Variants in EPB41L3 observed in about 807,000 individuals in gnomAD.
EPB41L3 encodes band 4.1-like protein 3.
EPB41L3 carries 57 observed loss-of-function variants against 127.1 expected under a neutral mutation model. The observed-to-expected ratio is 0.45, with a 90% CI of 0.36 to 0.56. EPB41L3 has a LOEUF of 0.56. Ranked by LOEUF, EPB41L3 falls within the 20% of genes least tolerant of loss-of-function variation. EPB41L3 has a pLI of 0.00. For missense variants in EPB41L3, 1,273 were observed against 1,372.2 expected (o/e 0.93, Z 1.14); for synonymous variants, 572 against 549.5 (o/e 1.04, Z -0.57).
chr18:5,484,122 C>CA (rs2089255322), intron 2 of EPB41L3, among the ~76,000 whole-genome samples: 4 of 75,160 alleles, frequency 5.3e-5, no homozygotes, highest in African/African-American at 5.6e-5. Context: ...AAAAAAAAAA[C>CA]AGAAAAAAAA....
intron 1 of EPB41L3, among the ~76,000 whole-genome samples, chr18:5,507,401 C>T (rs1248299276): frequency 6.6e-6 from 1 of 152,092 alleles, no homozygotes. Context: ...TTAAGATATT[C>T]AGACATTAAT....
At chr18:5,502,122 A>G (rs914131045) in intron 1 of EPB41L3, among the ~76,000 whole-genome samples, 1 of 152,188 alleles carries the variant, frequency 6.6e-6, no homozygotes, top group Non-Finnish European at 1.5e-5. Flanking sequence ...CTGCCTTCTG[A>G]TATTCTGACT....
At chr18:5,540,305 T>C (rs1812676536) in intron 1 of EPB41L3, 2 of 970,046 alleles carry the variant, frequency 2.1e-6, no homozygotes, top group Non-Finnish European at 2.5e-6. Context: ...TGCAGTCTTA[T>C]ATTCATTTAC....
chr18:5,395,334 A>C (rs538615463), intron 20 of EPB41L3, among the ~76,000 whole-genome samples, 187 bp from the exon 21 acceptor site: 1 of 152,340 alleles, frequency 6.6e-6, no homozygotes, highest in Admixed American at 6.5e-5. Context: ...TTGGGTCTGG[A>C]TGGCCCATGT....
chr18:5,624,878 G>A (rs1303643807), intron 1 of EPB41L3, among the ~76,000 whole-genome samples: 1 of 152,192 alleles, frequency 6.6e-6, no homozygotes, highest in African/African-American at 2.4e-5. Flanking sequence ...GAGAGAGAGA[G>A]ATCTCTTCTG....
At chr18:5,573,118 C>A (rs1439285427) in intron 3 of EPB41L3, among the ~76,000 whole-genome samples, 1 of 152,178 alleles carries the variant, frequency 6.6e-6, no homozygotes, top group African/African-American at 2.4e-5. Context: ...GAACTTCTTG[C>A]ATTAAATGCA....
chr18:5,505,837 T>C (rs1254265461), intron 1 of EPB41L3, among the ~76,000 whole-genome samples: 22 of 30,262 alleles, frequency 7.3e-4, no homozygotes, highest in Admixed American at 1.8e-3. Context: ...CTCCACCCCT[T>C]CCCTCCACAC....
chr18:5,420,870 T>A (rs1350723069), intron 11 of EPB41L3, among the ~76,000 whole-genome samples: 5 of 152,238 alleles, frequency 3.3e-5, no homozygotes, highest in Non-Finnish European at 7.3e-5. Flanking sequence ...GATTCTGAAA[T>A]GAAATCCTCT....
rs543692349 is a variant in EPB41L3, at chr18:5,424,008, C to T, written c.1163+254G>A. Reference sequence around the variant, plus strand: ...TGGATTGGATATTTGAAGTGGACACCCTAAAAATAATGTAAACACACTAAA... The same window carrying T: ...TGGATTGGATATTTGAAGTGGACACTCTAAAAATAATGTAAACACACTAAA... On this transcript the variant is annotated intron_variant, in intron 10 of 22. Coordinates refer to ENST00000341928, the MANE Select transcript of EPB41L3 (RefSeq NM_012307.5). Among the ~76,000 whole-genome samples the T allele has an allele frequency of 8.6e-5, 13 of 151,944 alleles. 1 individual carries two copies. Among genetic ancestry groups the T allele is most frequent in the African/African-American group, 2.9e-4 (12 of 41,424 alleles).
chr18:5,540,578 G>A (rs897208791), intron 1 of EPB41L3: 1 of 984,454 alleles, frequency 1.0e-6, no homozygotes. Flanking sequence ...CCCGGGCTGA[G>A]TGCCTGATGA....
chr18:5,423,574 C>T (rs2077747037), intron 10 of EPB41L3, 21 bp from the exon 11 acceptor site: 1 of 1,583,904 alleles, frequency 6.3e-7, no homozygotes, highest in Non-Finnish European at 8.6e-7. Context: ...TAAAGAAAAA[C>T]AGCAGAAAGA....
At chr18:5,584,124 T>G (rs922080615) in intron 3 of EPB41L3, among the ~76,000 whole-genome samples, 4 of 152,122 alleles carry the variant, frequency 2.6e-5, no homozygotes, top group Admixed American at 6.5e-5. Flanking sequence ...CTTAAATGCT[T>G]CTCCAACATG....
At chr18:5,614,279 T>C (rs1335413064) in intron 2 of EPB41L3, 1 of 152,240 alleles carries the variant, frequency 6.6e-6, no homozygotes, top group Non-Finnish European at 1.5e-5. Flanking sequence ...CACCTTATAA[T>C]GAATCTCAGA....
At chr18:5,625,715 A>G (rs1245189930) in intron 1 of EPB41L3, among the ~76,000 whole-genome samples, 3 of 152,196 alleles carry the variant, frequency 2.0e-5, no homozygotes. Flanking sequence ...CCTAAAAGCC[A>G]GGTCATATTC....
rs936473857 is a variant in EPB41L3 at position 5,563,591 on chromosome 18, T to C, written c.-306+48749A>G. On this transcript the variant is annotated intron_variant, in intron 3 of 21. Transcript: ENST00000545076. ...ACTTGACGTCCCATTACTTGACACA[T>C]AGCCTCCACTCAATGCACTAGTGCT... Among the ~76,000 whole-genome samples the C allele has an allele frequency of 2.0e-5, 3 of 152,138 alleles. No homozygotes were observed. In the East Asian group the frequency reaches 5.8e-4, roughly 29 times the overall value.
chr18:5,479,465 T>G (rs138820891), intron 2 of EPB41L3, among the ~76,000 whole-genome samples: 1 of 152,356 alleles, frequency 6.6e-6, no homozygotes, highest in African/African-American at 2.4e-5. Context: ...ATTTTTCTAT[T>G]AGCCTCTACA....
chr18:5,514,944 C>G (rs2092693122), intron 1 of EPB41L3, among the ~76,000 whole-genome samples: 1 of 152,160 alleles, frequency 6.6e-6, no homozygotes, highest in Admixed American at 6.5e-5. Flanking sequence ...TTTTAAAACA[C>G]AATTCTGACC....
intron 3 of EPB41L3, among the ~76,000 whole-genome samples, chr18:5,470,876 C>T (rs1032174111): frequency 6.6e-6 from 1 of 152,160 alleles, no homozygotes; most frequent in African/African-American, 2.4e-5. Context: ...AGATGGGAGG[C>T]CACTGTAGCC....
chr18:5,460,561 T>A (rs2083822829), intron 3 of EPB41L3, among the ~76,000 whole-genome samples: 1 of 152,204 alleles, frequency 6.6e-6, no homozygotes, highest in African/African-American at 2.4e-5. Flanking sequence ...AGGAGCATAA[T>A]CTCAAACTGA....
Sources: allele counts gnomAD v4.1 joint callset (sites outside exome capture counted in the v4.1 genomes callset), GRCh38; gene constraint gnomAD v4.1.1; transcripts MANE v1.5; gene names NCBI Gene and HGNC (gene_info 2026-07-23, HGNC 2026-07-21).